The following ESPL1 variants were observed in gnomAD, a reference collection of about 807,000 sequenced individuals.
The protein encoded by ESPL1 is separin.
In ESPL1, 50 loss-of-function variants were observed where a neutral mutation model predicts 217.2. That is an observed-to-expected ratio of 0.23 (90% CI 0.18 to 0.29). The LOEUF is 0.29. ESPL1 is among the 10% of genes least tolerant of loss of function. ESPL1 has a pLI of 1.00. For missense variants in ESPL1, 1,834 were observed against 2,603.0 expected (o/e 0.70, Z 6.43); for synonymous variants, 994 against 1,081.3 (o/e 0.92, Z 1.58).
intron 1 of ESPL1, 177 bp downstream of exon 1, chr12:53,268,554 G>A: frequency 3.5e-6 from 2 of 565,200 alleles, no homozygotes; most frequent in Admixed American, 3.1e-5. Context: ...GAGTGGTGTG[G>A]TAGTGCGGTC....
intron 18 of ESPL1, 132 bp downstream of exon 18, chr12:53,287,044 T>C: frequency 1.2e-6 from 1 of 849,608 alleles, no homozygotes; most frequent in Non-Finnish European, 1.8e-6. Flanking sequence ...TCTCCTGCTA[T>C]CTGCAGTACC....
chr12:53,288,093 G>A lies in ESPL1; in HGVS notation c.4298G>A (p.Ser1433Asn), dbSNP rs1943982345. ...RGRGRARKGL[S>N]LKTDAVVAPG... ...CGGGGGCGAGCAAGGAAGGGCCTGAGCCTAAAGACGGATGCCGTGGTTGCC... is the reference window on the plus strand; with the variant it reads ...CGGGGGCGAGCAAGGAAGGGCCTGAACCTAAAGACGGATGCCGTGGTTGCC... The change falls in exon 19 of 31, where the codon AGC becomes AAC. Residue 1433 changes from serine to asparagine, a missense_variant. Transcript: ENST00000257934. 1.2e-6 allele frequency: 2 copies of A among 1,613,716 alleles called. No individual in the cohort carries two copies. Among genetic ancestry groups the A allele is most frequent in the Non-Finnish European group, 1.7e-6 (2 of 1,179,976 alleles).
At chr12:53,289,755 G>T (rs1294421141) in intron 22 of ESPL1, 161 bp downstream of exon 22, 21 of 679,846 alleles carry the variant, frequency 3.1e-5, no homozygotes, top group Non-Finnish European at 4.5e-5. Context: ...AAGGTTTGTT[G>T]TTTTTTTTAA....
chr12:53,289,544 C>T lies in ESPL1; in HGVS notation c.5063C>T (p.Pro1688Leu), dbSNP rs1230823314. 1 of 1,614,050 alleles carries T rather than the reference C, an allele frequency of 6.2e-7. No individual in the cohort carries two copies. Among genetic ancestry groups the T allele is most frequent in the Non-Finnish European group, 8.5e-7 (1 of 1,180,046 alleles). ...SFRALESGHF[P>L]QPEKESFQER... ...AGGGCTTTGGAATCTGGCCACTTCCCCCAGCCTGAAAAGGAGAGTTTCCAG... is the reference window on the plus strand; with the variant it reads ...AGGGCTTTGGAATCTGGCCACTTCCTCCAGCCTGAAAAGGAGAGTTTCCAG... The change falls in exon 22 of 31, where the codon CCC (proline) becomes CTC (leucine). Residue 1688 changes from proline (P) to leucine (L), a missense_variant. Coordinates refer to ENST00000257934, the MANE Select transcript of ESPL1 (RefSeq NM_012291.5).
intron 3 of ESPL1, 45 bp from the exon 4 acceptor site, chr12:53,270,333 T>C: frequency 7.2e-7 from 1 of 1,387,536 alleles, no homozygotes; most frequent in Non-Finnish European, 1.0e-6. Flanking sequence ...CTTGGAGCCC[T>C]CTTTATCTCT....
chr12:53,292,645 A>C lies in ESPL1; in HGVS notation c.5984A>C (p.His1995Pro). 1 of 1,612,960 alleles carries C rather than the reference A, an allele frequency of 6.2e-7. No individual in the cohort carries two copies. Among genetic ancestry groups the C allele is most frequent in the Non-Finnish European group, 8.5e-7 (1 of 1,179,782 alleles). The stretch of plus-strand genomic sequence containing the variant: ...CAGGTGCAGGAAGCCCTGACAAAGC[A>C]TGATTTGTATATGTGAGTGCTTAAG... The part of the protein sequence containing the change: ...PEQVQEALTK[H>P]DLYIYAGHGA... The change falls in exon 29 of 31, where the codon CAT (histidine) becomes CCT (proline). Residue 1995 changes from histidine to proline, a missense_variant. His to Pro is a moderately conservative substitution (Grantham distance 77). Coordinates refer to ENST00000257934, the MANE Select transcript of ESPL1 (RefSeq NM_012291.5). This position sits in a 1 kb window ranked among gnomAD's most constrained non-coding sequence, Gnocchi z 4.5.
At position 53,292,754 on chromosome 12, in the gene ESPL1, C is replaced by CA; in HGVS notation, c.5997-51dup. The CA allele has an allele frequency of 6.2e-7, 1 of 1,604,528 alleles. No individual in the cohort carries two copies. The highest frequency in any genetic ancestry group is 1.1e-5 in the South Asian group (1 of 90,840). ...ACTTGAGAGCCTCTGAAGACACAGG[C>CA]AGAGGCCAGGTATTACTAGCTCAAG... On this transcript the variant is annotated intron_variant, in intron 29 of 30. Transcript: ENST00000257934. The surrounding 1 kb of genome is among the most constrained non-coding windows in gnomAD (Gnocchi z 4.5).
In ESPL1 at chr12:53,279,600, A is replaced by T. The variant is rs1943826971; in HGVS notation, c.2365-132A>T. ...GTAGGGGTGGGGTGATGATTGCTTCATCTGGGTAACTACATTCCACCCAGG... is the reference window on the plus strand; with the variant it reads ...GTAGGGGTGGGGTGATGATTGCTTCTTCTGGGTAACTACATTCCACCCAGG... On this transcript the variant is annotated intron_variant, in intron 11 of 30. Transcript: ENST00000257934. 14 of 1,018,822 alleles carry T rather than the reference A, an allele frequency of 1.4e-5. 1 individual carries two copies. The highest frequency in any genetic ancestry group is 2.3e-4 in the Middle Eastern group (1 of 4,284). 63.1% of individuals were successfully genotyped at this position (1,018,822 alleles called of 1,614,324 possible). A position where few individuals can be genotyped will look rare whatever the true frequency, so the allele number is the denominator to read the frequency against.
chr12:53,273,557 G>C (rs937686687), intron 6 of ESPL1, among the ~76,000 whole-genome samples: 1 of 150,218 alleles, frequency 6.7e-6, no homozygotes, highest in Non-Finnish European at 1.5e-5. Flanking sequence ...TCTGGAGTTT[G>C]AGACCAGCCT....
At position 53,277,916 on chromosome 12, in the gene ESPL1, G is replaced by T. The variant is rs1457762982; in HGVS notation, c.2320G>T (p.Ala774Ser). 2 of 1,614,138 alleles carry T rather than the reference G, an allele frequency of 1.2e-6. No individual in the cohort carries two copies. Among genetic ancestry groups the T allele is most frequent in the Non-Finnish European group, 1.7e-6 (2 of 1,180,028 alleles). The change falls in exon 11 of 31, where the codon GCC becomes TCC. Residue 774 changes from alanine to serine, a missense_variant. Transcript: ENST00000257934. ...PAVRCLQQTAASLQILAALYQ... is the reference protein window; with the variant it reads ...PAVRCLQQTASSLQILAALYQ... The stretch of plus-strand genomic sequence containing the variant: ...TGTACGGTGTCTCCAGCAGACAGCA[G>T]CCTCACTGCAGATCCTAGCAGCCCT...
In ESPL1 at chr12:53,282,210, G is replaced by C; in HGVS notation, c.2620-54G>C. On this transcript the variant is annotated intron_variant, in intron 13 of 30. Transcript: ENST00000257934. The surrounding 1 kb of genome is among the most constrained non-coding windows in gnomAD (Gnocchi z 4.0). ...CCACGTAATCTCCAGGGCCTCTCAA[G>C]CTCTGGAGTGCCTGACTGCCTTACT... 1.3e-6 allele frequency: 2 copies of C among 1,528,644 alleles called. No individual in the cohort carries two copies. The highest frequency in any genetic ancestry group is 1.8e-6 in the Non-Finnish European group (2 of 1,104,488). 94.7% of individuals were successfully genotyped at this position (1,528,644 alleles called of 1,614,324 possible). A position where few individuals can be genotyped will look rare whatever the true frequency, so the allele number is the denominator to read the frequency against.
Position 53,282,276 on chromosome 12 carries a change from G to A in ESPL1, c.2632G>A (p.Val878Ile), listed in dbSNP as rs764209569. The change falls in exon 14 of 31, where the codon GTC becomes ATC. Residue 878 changes from valine (V) to isoleucine (I), a missense_variant. Physicochemically the swap from Val to Ile is conservative, Grantham distance 29 (BLOSUM62 3). This residue lies in a region of ESPL1 where 746 missense variants were observed against 1,077.0 expected (regional missense o/e 0.69). Coordinates refer to ENST00000257934, the MANE Select transcript of ESPL1 (RefSeq NM_012291.5). The surrounding 1 kb of genome is among the most constrained non-coding windows in gnomAD (Gnocchi z 4.0). ...TTCTCTCCTTCAGGTGACCAAGGGT[G>A]TCTCTCTGCTGCTGTCTGTGCTTCG... The part of the protein sequence containing the change: ...YWTHQKVTKG[V>I]SLLLSVLRDP... 1 of 1,614,028 alleles carries A rather than the reference G, an allele frequency of 6.2e-7. No individual in the cohort carries two copies.
Position 53,292,908 on chromosome 12 carries a change from C to T in ESPL1, c.6099C>T (p.Ala2033=), listed in dbSNP as rs1283488175. Residue 2033 remains alanine, a synonymous_variant, in exon 30 of 31, where the codon GCC becomes GCT. Transcript: ENST00000257934. The surrounding 1 kb of genome is among the most constrained non-coding windows in gnomAD (Gnocchi z 4.5). The stretch of plus-strand genomic sequence containing the variant: ...TGCTGTTTGGCTGTAGCAGTGCGGC[C>T]CTGGCTGTGCGTGGAAACCTGGAGG... The part of the protein sequence containing the change: ...VALLFGCSSA[A]LAVRGNLEGA... 6.2e-7 allele frequency: 1 copy of T among 1,613,918 alleles called. No homozygotes were observed. The highest frequency in any genetic ancestry group is 8.5e-7 in the Non-Finnish European group (1 of 1,180,036).
intron 5 of ESPL1, among the ~76,000 whole-genome samples, chr12:53,271,353 C>A (rs925494961): frequency 2.6e-5 from 4 of 151,522 alleles, no homozygotes; most frequent in Admixed American, 2.6e-4. Context: ...TCCCAAGTAG[C>A]TGGGACTGCA....
chr12:53,281,104 G>A (rs985374627), intron 12 of ESPL1, among the ~76,000 whole-genome samples: 1 of 147,816 alleles, frequency 6.8e-6, no homozygotes, highest in Non-Finnish European at 1.5e-5. Flanking sequence ...TGGACATGTT[G>A]AACATTTTGC....
At chr12:53,279,621 C>A in intron 11 of ESPL1, 111 bp from the exon 12 acceptor site, 1 of 1,316,440 alleles carries the variant, frequency 7.6e-7, no homozygotes, top group South Asian at 1.3e-5. Context: ...TACATTCCAC[C>A]CAGGCCCTGA....
Position 53,286,678 on chromosome 12 carries a change from A to G in ESPL1, c.3942A>G (p.Lys1314=). The G allele has an allele frequency of 6.2e-7, 1 of 1,614,102 alleles. No homozygotes were observed. The highest frequency in any genetic ancestry group is 2.2e-5 in the East Asian group (1 of 44,886). The change falls in exon 18 of 31, where the codon AAA becomes AAG. Residue 1314 remains lysine, a synonymous_variant. Transcript: ENST00000257934. This position sits in a 1 kb window ranked among gnomAD's most constrained non-coding sequence, Gnocchi z 5.3. ...AGCCCTCTAAGACTCAGGGCCAAAA[A>G]CGTTCTGGACGAGGGCGCCAAAAGT... ...GSEPSKTQGQ[K]RSGRGRQKLA...
Position 53,293,036 on chromosome 12 carries a change from C to T in ESPL1, c.6161+66C>T. ...CTCCTGCCCTCACCCCAGGTTCTTT[C>T]CCAGGTCTGAATCTTGCCTCTCTTG... On this transcript the variant is annotated intron_variant, in intron 30 of 30. Coordinates refer to ENST00000257934, the MANE Select transcript of ESPL1 (RefSeq NM_012291.5). This position sits in a 1 kb window ranked among gnomAD's most constrained non-coding sequence, Gnocchi z 4.2. 6.7e-7 allele frequency: 1 copy of T among 1,489,020 alleles called. No homozygotes were observed. Among genetic ancestry groups the T allele is most frequent in the Non-Finnish European group, 9.2e-7 (1 of 1,092,136 alleles). The allele number at this position is 1,489,020 out of a possible 1,614,324, so 92.2% of individuals were successfully genotyped here.
chr12:53,270,464 C>A lies in ESPL1; in HGVS notation c.1230C>A (p.Asp410Glu), dbSNP rs368582001. The A allele has an allele frequency of 6.2e-7, 1 of 1,613,240 alleles. No individual in the cohort carries two copies. The highest frequency in any genetic ancestry group is 8.5e-7 in the Non-Finnish European group (1 of 1,179,200). Residue 410 changes from aspartate to glutamate, a missense_variant, in exon 4 of 31, where the codon GAC becomes GAA. This residue lies in a region of ESPL1 where 746 missense variants were observed against 1,077.0 expected (regional missense o/e 0.69). Transcript: ENST00000257934. ...ACCTCTACACTGTGGTGGTTTATGA[C>A]TTTGCCCAAGGCTGTCAGGTACTGT... ...GLHLYTVVVY[D>E]FAQGCQIVDL...
Sources: gnomAD v4.1 joint callset for allele counts (sites outside exome capture counted in the v4.1 genomes callset) on GRCh38, gnomAD v4.1.1 for gene constraint, gnomAD v4.1.1 regional missense constraint, Gnocchi (gnomAD v3.1) non-coding constraint, MANE v1.5 for transcripts, NCBI Gene and HGNC (gene_info 2026-07-23, HGNC 2026-07-21) for gene names.